TMEM131: variants seen among roughly 807,000 people sequenced by gnomAD.
TMEM131 encodes the protein 2610524E03Rik.
A neutral mutation model predicts 211.6 loss-of-function variants in TMEM131; 66 were observed. That is an observed-to-expected ratio of 0.31 (90% CI 0.26 to 0.38). TMEM131 has a LOEUF of 0.38. TMEM131 is among the 10% of genes least tolerant of loss of function. The pLI, the probability that TMEM131 is intolerant of heterozygous loss-of-function variation, is 1.00. For synonymous variants in TMEM131, 844 were observed against 841.3 expected (o/e 1.00, Z -0.06); for missense variants, 2,036 against 2,299.3 (o/e 0.89, Z 2.34).
intron 6 of TMEM131, among the ~76,000 whole-genome samples, chr2:97,842,407 G>T (rs886247816): frequency 6.6e-6 from 1 of 152,028 alleles, no homozygotes; most frequent in African/African-American, 2.4e-5. Context: ...GAGGTGCTAG[G>T]CACATATACA....
At chr2:97,842,965 T>A (rs966241080) in intron 6 of TMEM131, among the ~76,000 whole-genome samples, 8 of 151,168 alleles carry the variant, frequency 5.3e-5, no homozygotes, top group African/African-American at 2.0e-4. Flanking sequence ...TCACCATACA[T>A]AAGCAGAAGA....
intron 32 of TMEM131, among the ~76,000 whole-genome samples, chr2:97,773,929 A>C (rs1050094565): frequency 6.6e-6 from 1 of 152,206 alleles, no homozygotes; most frequent in Non-Finnish European, 1.5e-5. Flanking sequence ...TGTTTACGGA[A>C]GCACTGGCAG....
chr2:97,900,461 T>C (rs554009948), intron 3 of TMEM131, among the ~76,000 whole-genome samples: 1 of 152,118 alleles, frequency 6.6e-6, no homozygotes, highest in East Asian at 1.9e-4. Flanking sequence ...TAACATAATG[T>C]CCTCCAAGTT....
chr2:97,778,959 C>G (rs541186421), intron 31 of TMEM131, among the ~76,000 whole-genome samples: 1 of 152,300 alleles, frequency 6.6e-6, no homozygotes, highest in African/African-American at 2.4e-5. Context: ...AGTTAACTAT[C>G]CCAAAAACAT....
intron 1 of TMEM131, among the ~76,000 whole-genome samples, chr2:97,987,984 G>A (rs1680101188): frequency 1.3e-5 from 2 of 152,116 alleles, no homozygotes; most frequent in African/African-American, 2.4e-5. Context: ...AATCTCAAGG[G>A]ACCCCAAATA....
intron 1 of TMEM131, among the ~76,000 whole-genome samples, chr2:97,977,805 G>A (rs955484037): frequency 7.9e-5 from 12 of 152,114 alleles, no homozygotes; most frequent in Non-Finnish European, 1.3e-4. Flanking sequence ...AAACAGCAAT[G>A]GGCCAGGCGT....
At chr2:97,819,198 T>G (rs934592868) in intron 11 of TMEM131, among the ~76,000 whole-genome samples, 1 of 152,154 alleles carries the variant, frequency 6.6e-6, no homozygotes, top group Non-Finnish European at 1.5e-5. Flanking sequence ...CTAATGGCAT[T>G]TTCTCTTTCT....
chr2:97,942,174 A>T (rs1402057048), intron 1 of TMEM131, among the ~76,000 whole-genome samples: 4 of 152,030 alleles, frequency 2.6e-5, no homozygotes, highest in Admixed American at 1.3e-4. Context: ...TGTCCTTTGT[A>T]GGGACATGGA....
rs867659421 is a variant in TMEM131, at chr2:97,895,783, G to C, written c.291-7663C>G. 3.6e-4 allele frequency among the ~76,000 whole-genome samples: 54 copies of C among 151,688 alleles called. 1 individual carries two copies. The highest frequency in any genetic ancestry group is 1.3e-3 in the African/African-American group (52 of 41,348). On this transcript the variant is annotated intron_variant, in intron 3 of 40. Coordinates refer to ENST00000186436, the MANE Select transcript of TMEM131 (RefSeq NM_015348.2). ...CTTTTCTTCTTTATTAGTCTGGCTA[G>C]TGATTTATTTTGTTGGTCTTTTCAA...
intron 31 of TMEM131, among the ~76,000 whole-genome samples, chr2:97,788,077 C>G (rs1680334033): frequency 6.6e-6 from 1 of 152,182 alleles, no homozygotes; most frequent in East Asian, 1.9e-4. Context: ...CGCTCTCCTG[C>G]CAGCACTCCT....
At chr2:97,941,503 A>C (rs1677724550) in intron 1 of TMEM131, among the ~76,000 whole-genome samples, 1 of 152,248 alleles carries the variant, frequency 6.6e-6, no homozygotes, top group Non-Finnish European at 1.5e-5. Flanking sequence ...GAGCTTCTGC[A>C]CAGCAAAAGA....
intron 4 of TMEM131, among the ~76,000 whole-genome samples, chr2:97,884,376 C>T (rs1261222965): frequency 2.0e-5 from 3 of 152,108 alleles, no homozygotes; most frequent in African/African-American, 2.4e-5. Context: ...CATGTGTTGA[C>T]GAAAGAAATG....
chr2:97,815,131 A>G lies in TMEM131; in HGVS notation c.1292+68T>C, dbSNP rs541254215. 12 of 871,676 alleles carry G rather than the reference A, an allele frequency of 1.4e-5. No individual in the cohort carries two copies. In the Admixed American group the frequency reaches 2.4e-4, roughly 17 times the overall value. 54.0% of individuals were successfully genotyped at this position (871,676 alleles called of 1,614,324 possible). On this transcript the variant is annotated intron_variant, in intron 13 of 40. Coordinates refer to ENST00000186436, the MANE Select transcript of TMEM131 (RefSeq NM_015348.2). The stretch of plus-strand genomic sequence containing the variant: ...AACGTGGCTAGTATTTCTGCAGGTC[A>G]TTTAGCAGGAAAATATAATTTACTG...
intron 2 of TMEM131, among the ~76,000 whole-genome samples, chr2:97,919,872 G>C (rs757428432): frequency 1.3e-5 from 2 of 152,168 alleles, no homozygotes; most frequent in Non-Finnish European, 2.9e-5. Context: ...GCCCAGCCTG[G>C]CTTTGATTTC....
chr2:97,995,380 C>T (rs1680452592), intron 1 of TMEM131, 96 bp downstream of exon 1: 4 of 1,210,116 alleles, frequency 3.3e-6, no homozygotes, highest in Non-Finnish European at 4.2e-6. Context: ...TGCGCCGGAG[C>T]CCCGGCCGCG....
At chr2:97,939,457 C>T (rs1677614149) in intron 1 of TMEM131, among the ~76,000 whole-genome samples, 1 of 152,180 alleles carries the variant, frequency 6.6e-6, no homozygotes, top group Non-Finnish European at 1.5e-5. Flanking sequence ...CACATACTCC[C>T]TCCCAAGACT....
At chr2:97,868,364 A>T (rs1286699434) in intron 4 of TMEM131, among the ~76,000 whole-genome samples, 1 of 152,094 alleles carries the variant, frequency 6.6e-6, no homozygotes, top group Non-Finnish European at 1.5e-5. Flanking sequence ...ACACACACAC[A>T]TATATGTAGG....
intron 1 of TMEM131, 118 bp downstream of exon 1, chr2:97,995,358 A>T: frequency 9.4e-7 from 1 of 1,068,200 alleles, no homozygotes; most frequent in Non-Finnish European, 1.2e-6. Context: ...ACGGTACCCG[A>T]CCGCCCAACT....
intron 1 of TMEM131, among the ~76,000 whole-genome samples, chr2:97,964,018 T>A (rs1428913530): frequency 6.6e-6 from 1 of 152,158 alleles, no homozygotes; most frequent in Non-Finnish European, 1.5e-5. Flanking sequence ...ACAGGTATAG[T>A]GTACAGTAAT....
Sources: allele counts gnomAD v4.1 joint callset (sites outside exome capture counted in the v4.1 genomes callset), GRCh38; gene constraint gnomAD v4.1.1; transcripts MANE v1.5; gene names NCBI Gene and HGNC (gene_info 2026-07-23, HGNC 2026-07-21).